HDAC4: variants seen among roughly 807,000 people sequenced by gnomAD.
The protein encoded by HDAC4 is histone deacetylase A.
Under a neutral mutation model 135.1 loss-of-function variants are expected in HDAC4, and 16 were observed. That is an observed-to-expected ratio of 0.12 (90% CI 0.08 to 0.18). The LOEUF is 0.18. HDAC4 is among the 10% of genes least tolerant of loss of function. The probability of loss-of-function intolerance (pLI) is 1.00; values close to 1 mark genes in which losing one functional copy is unlikely to be tolerated. For synonymous variants in HDAC4, 685 were observed against 653.4 expected (o/e 1.05, Z -0.74); for missense variants, 1,143 against 1,511.8 (o/e 0.76, Z 4.05).
intron 4 of HDAC4, among the ~76,000 whole-genome samples, chr2:239,179,980 C>T (rs1440510579): frequency 6.6e-6 from 1 of 152,210 alleles, no homozygotes; most frequent in Non-Finnish European, 1.5e-5. Flanking sequence ...CTCCAGGTAA[C>T]TGTGAGCGTG....
chr2:239,184,877 T>C (rs1215097058), intron 4 of HDAC4, among the ~76,000 whole-genome samples: 1 of 88,640 alleles, frequency 1.1e-5, no homozygotes, highest in East Asian at 4.1e-4. Context: ...GGATGTATCC[T>C]ATGGGGGGGT....
At chr2:239,297,588 C>T (rs922134327) in intron 2 of HDAC4, among the ~76,000 whole-genome samples, 5 of 152,174 alleles carry the variant, frequency 3.3e-5, no homozygotes, top group Admixed American at 1.3e-4. Flanking sequence ...GACATGAGAA[C>T]GCCTGTGCAT....
chr2:239,053,590 G>A lies in HDAC4; in HGVS notation c.3100C>T (p.Arg1034Cys), dbSNP rs754838487. ...KVMEIHSKYW[R>C]CLQRTTSTAG... ...GTGGAGGTTGTGCGCTGCAGGCAGC[G>A]CCAGTACTTGCCTGGGGTGGTGGGG... The change falls in exon 26 of 27, where the codon CGC becomes TGC. Residue 1034 changes from arginine to cysteine, a missense_variant. By Grantham distance (180) the Arg-to-Cys change is radical. Transcript: ENST00000543185. The A allele has an allele frequency of 1.1e-5, 17 of 1,613,480 alleles. No homozygotes were observed. Among genetic ancestry groups the A allele is most frequent in the African/African-American group, 4.0e-5 (3 of 74,940 alleles).
rs565172558 is a variant in HDAC4, at chr2:239,156,573, G to A, written c.733+79C>T. The stretch of plus-strand genomic sequence containing the variant: ...ATTCCTTCTCTAAGTGGAAGACAGC[G>A]GTGGGCCCTGCGTGGCTTGTGGCGT... On this transcript the variant is annotated intron_variant, in intron 7 of 26. Transcript: ENST00000543185. 133 of 1,563,440 alleles carry A rather than the reference G, an allele frequency of 8.5e-5. No individual in the cohort carries two copies. The East Asian group carries it at 2.7e-3, about 32-fold the overall frequency.
chr2:239,328,923 T>C (rs1380816882), intron 2 of HDAC4, among the ~76,000 whole-genome samples: 1 of 152,228 alleles, frequency 6.6e-6, no homozygotes, highest in East Asian at 1.9e-4. Flanking sequence ...CGAAGCAGCA[T>C]GCCAGAAATT....
chr2:239,294,916 G>A (rs2051767069), intron 2 of HDAC4, among the ~76,000 whole-genome samples: 1 of 152,186 alleles, frequency 6.6e-6, no homozygotes, highest in East Asian at 1.9e-4. Flanking sequence ...GTGTGTGGGA[G>A]GCCCGGGAGA....
chr2:239,282,442 ACT>A (rs952475340), intron 2 of HDAC4, among the ~76,000 whole-genome samples: 3 of 143,356 alleles, frequency 2.1e-5, no homozygotes, highest in African/African-American at 8.0e-5. Flanking sequence ...TGTACACAGC[ACT>A]CTCAATGTAC....
intron 18 of HDAC4, chr2:239,089,746 G>A: frequency 1.1e-5 from 3 of 270,514 alleles, no homozygotes; most frequent in East Asian, 5.5e-5. Context: ...TTTTTTTTAA[G>A]AGTATAAATT....
chr2:239,401,307 G>C (rs985845620), upstream of HDAC4: 3 of 152,548 alleles, frequency 2.0e-5, no homozygotes, highest in African/African-American at 7.2e-5. Context: ...GATGCCCTAT[G>C]AGCGGCAGAG....
intron 7 of HDAC4, 62 bp from the exon 8 acceptor site, chr2:239,144,776 T>C (rs1399011304): frequency 6.3e-7 from 1 of 1,586,994 alleles, no homozygotes; most frequent in Non-Finnish European, 8.7e-7. Context: ...GTTATCCTGT[T>C]GGTGGTTTTT....
At chr2:239,272,948 T>C (rs61165997) in intron 2 of HDAC4, among the ~76,000 whole-genome samples, 1 of 152,112 alleles carries the variant, frequency 6.6e-6, no homozygotes. Flanking sequence ...TTGCCCACGA[T>C]GAGCGGCAGA....
chr2:239,242,931 T>C (rs2048270173), intron 2 of HDAC4, among the ~76,000 whole-genome samples: 3 of 152,182 alleles, frequency 2.0e-5, no homozygotes, highest in South Asian at 4.1e-4. Flanking sequence ...AACTTTTTTT[T>C]CTCATGTCAA....
intron 14 of HDAC4, among the ~76,000 whole-genome samples, chr2:239,108,454 G>A (rs1474107396): frequency 2.6e-5 from 4 of 152,192 alleles, no homozygotes; most frequent in Admixed American, 1.3e-4. Context: ...AGGGACGTGC[G>A]CAGCTGCCCT....
intron 2 of HDAC4, among the ~76,000 whole-genome samples, chr2:239,329,777 T>C (rs1184353373): frequency 6.6e-6 from 1 of 152,216 alleles, no homozygotes; most frequent in Non-Finnish European, 1.5e-5. Flanking sequence ...CTGACATCCC[T>C]GGGCAGGAAC....
chr2:239,254,342 G>A (rs1276094334), intron 2 of HDAC4, among the ~76,000 whole-genome samples: 1 of 147,152 alleles, frequency 6.8e-6, no homozygotes, highest in Non-Finnish European at 1.5e-5. Context: ...GAATCGGCAA[G>A]AACAACAAAA....
At chr2:239,109,421 C>A (rs1010507806) in intron 14 of HDAC4, among the ~76,000 whole-genome samples, 2 of 152,138 alleles carry the variant, frequency 1.3e-5, no homozygotes, top group Non-Finnish European at 2.9e-5. Context: ...GCATCCCCAG[C>A]CAAGGGGAGC....
intron 3 of HDAC4, among the ~76,000 whole-genome samples, chr2:239,192,267 T>C (rs1370114552): frequency 7.6e-6 from 1 of 131,798 alleles, no homozygotes; most frequent in Non-Finnish European, 1.6e-5. Flanking sequence ...GACTGTTCCA[T>C]GTGCAGGAGC....
chr2:239,090,259 G>A (rs929711435), intron 17 of HDAC4, 143 bp from the exon 18 acceptor site: 47 of 696,544 alleles, frequency 6.7e-5, no homozygotes, highest in Non-Finnish European at 1.0e-4. Context: ...TGCAGCCCAC[G>A]TTCAGCCTTC....
intron 1 of HDAC4, among the ~76,000 whole-genome samples, chr2:239,356,681 T>G (rs1693508554): frequency 6.6e-6 from 1 of 152,052 alleles, no homozygotes; most frequent in Admixed American, 6.5e-5. Flanking sequence ...TTCATAATGA[T>G]AAAGGGGTTG....
Sources: allele counts gnomAD v4.1 joint callset (sites outside exome capture counted in the v4.1 genomes callset), GRCh38; gene constraint gnomAD v4.1.1; transcripts MANE v1.5; gene names NCBI Gene and HGNC (gene_info 2026-07-23, HGNC 2026-07-21).